The following MFHAS1 variants were observed in gnomAD, a reference collection of about 807,000 sequenced individuals.
MFHAS1 encodes the protein multifunctional ROCO family signaling regulator 1, also known as malignant fibrous histiocytoma-amplified sequence 1.
A neutral mutation model predicts 70.4 loss-of-function variants in MFHAS1; 50 were observed. That is an observed-to-expected ratio of 0.71 (90% CI 0.57 to 0.90). The LOEUF (loss-of-function observed/expected upper bound fraction) is 0.90, where lower values mean the gene tolerates loss of function less well. MFHAS1 is among the 40% of genes least tolerant of loss of function. The pLI is 0.00. For synonymous variants in MFHAS1, 952 were observed against 620.0 expected (o/e 1.54, Z -7.96); for missense variants, 1,795 against 1,347.6 (o/e 1.33, Z -5.20).
intron 1 of MFHAS1, among the ~76,000 whole-genome samples, chr8:8,799,066 A>AG (rs1305294391): frequency 6.6e-6 from 1 of 151,964 alleles, no homozygotes; most frequent in Non-Finnish European, 1.5e-5. Context: ...CAAAAAAAAA[A>AG]AAAGAAAAGA....
intron 1 of MFHAS1, among the ~76,000 whole-genome samples, chr8:8,801,189 T>C (rs1186003569): frequency 6.6e-6 from 1 of 151,672 alleles, no homozygotes; most frequent in African/African-American, 2.4e-5. Context: ...CACTCCAGCC[T>C]GGACGATGGG....
chr8:8,862,995 C>G (rs963178941), intron 1 of MFHAS1, among the ~76,000 whole-genome samples: 2 of 152,146 alleles, frequency 1.3e-5, no homozygotes, highest in Non-Finnish European at 2.9e-5. Flanking sequence ...ACATTTAGAT[C>G]GATTACCCAT....
chr8:8,886,583 T>C (rs1008538139), intron 1 of MFHAS1, among the ~76,000 whole-genome samples: 3 of 152,198 alleles, frequency 2.0e-5, no homozygotes, highest in Non-Finnish European at 2.9e-5. Flanking sequence ...AAGGCCAAAA[T>C]AGGCTTTTCA....
intron 2 of MFHAS1, among the ~76,000 whole-genome samples, chr8:8,794,182 C>G (rs1332670445): frequency 6.6e-6 from 1 of 151,532 alleles, no homozygotes; most frequent in African/African-American, 2.4e-5. Context: ...AGAGTGAGAC[C>G]CTTTGTCAAA....
At chr8:8,845,237 G>A (rs1403788924) in intron 1 of MFHAS1, among the ~76,000 whole-genome samples, 4 of 152,082 alleles carry the variant, frequency 2.6e-5, no homozygotes, top group Non-Finnish European at 4.4e-5. Flanking sequence ...AGTTTTCTAG[G>A]TTAGTTCACA....
rs756654183 is a variant in MFHAS1 at position 8,891,314 on chromosome 8, C to A, written c.1745G>T (p.Arg582Leu). The A allele has an allele frequency of 1.2e-6, 2 of 1,611,212 alleles. No homozygotes were observed. The highest frequency in any genetic ancestry group is 1.3e-5 in the African/African-American group (1 of 75,070). ...LAKVVDEALA[R>L]DFELRSASPH... The stretch of plus-strand genomic sequence containing the variant: ...GCTGGCAGAGCGCAGCTCGAAGTCC[C>A]GGGCCAGTGCCTCGTCCACCACCTT... Residue 582 changes from arginine to leucine, a missense_variant, in exon 1 of 3, where the codon CGG (arginine) becomes CTG (leucine). Physicochemically the swap from Arg to Leu is moderately radical, Grantham distance 102. Coordinates refer to ENST00000276282, the MANE Select transcript of MFHAS1 (RefSeq NM_004225.3). This position sits in a 1 kb window ranked among gnomAD's most constrained non-coding sequence, Gnocchi z 5.4.
Position 8,797,428 on chromosome 8 carries a change from C to A in MFHAS1, c.3062G>T (p.Ser1021Ile), listed in dbSNP as rs1264506753. ...VAEIICPKNG[S>I]ERVNVALVYP... ...AACCAAGGCAACATTTACTCGCTCG[C>A]TGCCGTTCTTGGGGCAAATGATCTC... Residue 1021 changes from serine (S) to isoleucine (I), a missense_variant, in exon 2 of 3, where the codon AGC (serine) becomes ATC (isoleucine). Transcript: ENST00000276282. The A allele has an allele frequency of 2.5e-6, 4 of 1,614,140 alleles. No homozygotes were observed. Among genetic ancestry groups the A allele is most frequent in the Admixed American group, 1.7e-5 (1 of 60,018 alleles).
chr8:8,837,760 AAAAT>A (rs1402803057), intron 1 of MFHAS1, among the ~76,000 whole-genome samples: 1 of 152,180 alleles, frequency 6.6e-6, no homozygotes, highest in Non-Finnish European at 1.5e-5. Context: ...TACTATTAAA[AAAAT>A]AAATAAATAA....
chr8:8,832,463 T>G (rs1287718885), intron 1 of MFHAS1, among the ~76,000 whole-genome samples: 1 of 124,796 alleles, frequency 8.0e-6, no homozygotes, highest in East Asian at 2.3e-4. Context: ...ACAGAGCCAG[T>G]AACCACAGAA....
chr8:8,812,128 G>C (rs1191081398), intron 1 of MFHAS1, among the ~76,000 whole-genome samples: 3 of 151,840 alleles, frequency 2.0e-5, no homozygotes, highest in African/African-American at 7.2e-5. Context: ...CAACCTCTTA[G>C]AATATTTTCT....
intron 1 of MFHAS1, among the ~76,000 whole-genome samples, chr8:8,864,787 G>T (rs1808795226): frequency 6.6e-6 from 1 of 152,012 alleles, no homozygotes; most frequent in African/African-American, 2.4e-5. Context: ...ACAGGCACTA[G>T]GGAAAAAAGG....
At chr8:8,883,914 C>T (rs373569847) in intron 1 of MFHAS1, among the ~76,000 whole-genome samples, 63 of 151,568 alleles carry the variant, frequency 4.2e-4, no homozygotes, top group African/African-American at 1.4e-3. Flanking sequence ...ATAAAAAATA[C>T]TGGTTGGGTA....
At chr8:8,812,830 G>A (rs972627789) in intron 1 of MFHAS1, among the ~76,000 whole-genome samples, 2 of 152,038 alleles carry the variant, frequency 1.3e-5, no homozygotes, top group Non-Finnish European at 2.9e-5. Flanking sequence ...GCAGTGGAGT[G>A]ATCTGAGCTC....
At chr8:8,794,242 G>A (rs908869778) in intron 2 of MFHAS1, among the ~76,000 whole-genome samples, 2 of 151,954 alleles carry the variant, frequency 1.3e-5, no homozygotes, top group East Asian at 3.9e-4. Flanking sequence ...AAGTTACCTC[G>A]GCTGGAGTTG....
intron 1 of MFHAS1, among the ~76,000 whole-genome samples, chr8:8,841,948 A>G (rs1271390138): frequency 6.6e-6 from 1 of 152,232 alleles, no homozygotes; most frequent in African/African-American, 2.4e-5. Context: ...CTCCAGAAAT[A>G]AAAACCCCTA....
intron 1 of MFHAS1, among the ~76,000 whole-genome samples, chr8:8,848,159 CT>C: frequency 6.6e-6 from 1 of 152,198 alleles, no homozygotes; most frequent in Non-Finnish European, 1.5e-5. Context: ...TTCTCTGTCC[CT>C]TTTAGCCGAG....
chr8:8,860,938 G>A (rs115077991), intron 1 of MFHAS1, among the ~76,000 whole-genome samples: 3,783 of 152,188 alleles, frequency 0.025, 160 homozygotes, highest in African/African-American at 0.086. Flanking sequence ...CACTATGAAA[G>A]CCCAAATACC....
At position 8,785,441 on chromosome 8, in the gene MFHAS1, T is replaced by C. The variant is rs1478284417; in HGVS notation, c.*581A>G. The C allele has an allele frequency of 1.3e-5, 2 of 152,482 alleles. No individual in the cohort carries two copies. The highest frequency in any genetic ancestry group is 4.8e-5 in the African/African-American group (2 of 41,380). 9.4% of individuals were successfully genotyped at this position (152,482 alleles called of 1,614,324 possible). A position where few individuals can be genotyped will look rare whatever the true frequency, so the allele number is the denominator to read the frequency against. On this transcript the variant is annotated 3_prime_UTR_variant, in exon 3 of 3. Coordinates refer to ENST00000276282, the MANE Select transcript of MFHAS1 (RefSeq NM_004225.3). ...GAATAAAGAAAAAACAAAAAAGTCT[T>C]ATACTAAAATAAGAAATCAGCCCCA...
At chr8:8,884,588 G>A (rs1809677968) in intron 1 of MFHAS1, among the ~76,000 whole-genome samples, 1 of 152,184 alleles carries the variant, frequency 6.6e-6, no homozygotes, top group Admixed American at 6.5e-5. Context: ...GAGGGGGAGG[G>A]AGTTGGGAAG....
Sources: gnomAD v4.1 joint callset for allele counts (sites outside exome capture counted in the v4.1 genomes callset) on GRCh38, gnomAD v4.1.1 for gene constraint, Gnocchi (gnomAD v3.1) non-coding constraint, MANE v1.5 for transcripts, NCBI Gene and HGNC (gene_info 2026-07-23, HGNC 2026-07-21) for gene names.